The following GPBP1L1 variants were observed in gnomAD, a reference collection of about 807,000 sequenced individuals.
GPBP1L1 encodes the protein GC-rich promoter binding protein 1 like 1.
A neutral mutation model predicts 52.5 loss-of-function variants in GPBP1L1; 23 were observed. That is an observed-to-expected ratio of 0.44 (90% CI 0.32 to 0.62). The LOEUF is 0.62. GPBP1L1 is among the 20% of genes least tolerant of loss of function. The pLI is 0.06. For missense variants in GPBP1L1, 596 were observed against 579.3 expected, an observed-to-expected ratio of 1.03 and a Z score of -0.30; for synonymous variants, 243 against 203.1, an observed-to-expected ratio of 1.20 and a Z score of -1.67.
At chr1:45,671,721 G>A (rs1008586698) in intron 2 of GPBP1L1, among the ~76,000 whole-genome samples, 1 of 152,142 alleles carries the variant, frequency 6.6e-6, no homozygotes, top group African/African-American at 2.4e-5. Context: ...CTACTCAGGA[G>A]GCTGAGGTGG....
chr1:45,672,125 G>C (rs567556596), intron 2 of GPBP1L1, among the ~76,000 whole-genome samples: 21 of 152,290 alleles, frequency 1.4e-4, no homozygotes, highest in African/African-American at 4.8e-4. Context: ...CACTTTGGGA[G>C]GCCAAGGCAG....
At chr1:45,678,119 G>A (rs8179296) in intron 2 of GPBP1L1, among the ~76,000 whole-genome samples, 43,542 of 152,006 alleles carry the variant, frequency 0.29, 6,374 homozygotes, top group East Asian at 0.37. Flanking sequence ...CAGAGAGAGA[G>A]AAAGTAGATT....
chr1:45,680,602 T>G (rs981022419), intron 2 of GPBP1L1, among the ~76,000 whole-genome samples: 3 of 152,128 alleles, frequency 2.0e-5, no homozygotes, highest in Non-Finnish European at 2.9e-5. Flanking sequence ...TCTTCTTAGA[T>G]GAGCTTCACT....
rs1160989437 is a variant in GPBP1L1, at chr1:45,633,499, T to C, written c.1034A>G (p.Lys345Arg). The C allele has an allele frequency of 2.5e-6, 4 of 1,613,784 alleles. No individual in the cohort carries two copies. Among genetic ancestry groups the C allele is most frequent in the Admixed American group, 3.3e-5 (2 of 59,906 alleles). ...GGCGGATGCTCTTACATCTTCCAGC[T>C]TGTCACAGTCTCTATTCTCTGAGAA... ...GDFSENRDCD[K>R]LEDLEDNSTP... is the part of the protein sequence containing the mutation. Residue 345 changes from lysine to arginine, a missense_variant, in exon 10 of 13, where the codon AAG becomes AGG. Lys to Arg is a conservative substitution (Grantham distance 26, BLOSUM62 2). Coordinates refer to ENST00000355105, the MANE Select transcript of GPBP1L1 (RefSeq NM_021639.5).
At chr1:45,668,830 A>G (rs1355146628) in intron 2 of GPBP1L1, among the ~76,000 whole-genome samples, 1 of 142,574 alleles carries the variant, frequency 7.0e-6, no homozygotes, top group African/African-American at 2.6e-5. Flanking sequence ...AAACTTAGCC[A>G]GGCATGGTGG....
chr1:45,629,843 T>G (rs563917475), intron 11 of GPBP1L1, 165 bp from the exon 12 acceptor site: 29 of 589,196 alleles, frequency 4.9e-5, no homozygotes, highest in African/African-American at 2.2e-4. Flanking sequence ...GCTACCTGGG[T>G]GCTGTAAATA....
chr1:45,640,516 G>A (rs886096756), intron 7 of GPBP1L1, 113 bp from the exon 8 acceptor site: 2 of 811,972 alleles, frequency 2.5e-6, no homozygotes, highest in South Asian at 3.1e-5. Context: ...GAGACAGAGG[G>A]ATTAAACATT....
intron 6 of GPBP1L1, chr1:45,651,460 G>T: frequency 2.3e-6 from 1 of 428,804 alleles, no homozygotes. Context: ...CCCTTTGCTG[G>T]CAGCTTTCTT....
intron 2 of GPBP1L1, among the ~76,000 whole-genome samples, chr1:45,670,801 T>G (rs959900727): frequency 7.5e-5 from 11 of 147,418 alleles, no homozygotes; most frequent in Admixed American, 4.7e-4. Context: ...TTTTTTTTTT[T>G]TTTTTTTGTG....
intron 2 of GPBP1L1, among the ~76,000 whole-genome samples, chr1:45,674,322 A>G (rs1645113339): frequency 6.6e-6 from 1 of 152,232 alleles, no homozygotes; most frequent in Admixed American, 6.5e-5. Flanking sequence ...AATTTCATTA[A>G]AGACAGTATG....
chr1:45,657,342 G>A (rs1343342516), intron 4 of GPBP1L1, among the ~76,000 whole-genome samples: 2 of 151,966 alleles, frequency 1.3e-5, no homozygotes, highest in African/African-American at 2.4e-5. Flanking sequence ...AAGACCAGCC[G>A]GGTAACATGG....
At chr1:45,649,956 C>T (rs1327275707) in intron 6 of GPBP1L1, among the ~76,000 whole-genome samples, 1 of 152,134 alleles carries the variant, frequency 6.6e-6, no homozygotes, top group Non-Finnish European at 1.5e-5. Context: ...CACCTGCAAA[C>T]ACAAAGTTTT....
intron 2 of GPBP1L1, among the ~76,000 whole-genome samples, chr1:45,669,121 T>C (rs1645044416): frequency 6.6e-6 from 1 of 152,232 alleles, no homozygotes; most frequent in Non-Finnish European, 1.5e-5. Flanking sequence ...TTAAAAAGCA[T>C]TGTCCTCTCT....
intron 2 of GPBP1L1, among the ~76,000 whole-genome samples, chr1:45,684,679 C>A (rs187737978): frequency 1.3e-5 from 2 of 151,698 alleles, no homozygotes; most frequent in South Asian, 4.2e-4. Context: ...CACTGAGTAC[C>A]CCCCCAAAAA....
chr1:45,652,740 T>TA (rs1424740256), intron 6 of GPBP1L1, among the ~76,000 whole-genome samples: 5 of 151,798 alleles, frequency 3.3e-5, no homozygotes, highest in Non-Finnish European at 7.4e-5. Context: ...TTTTAAGAGA[T>TA]AGAGTCTTGC....
chr1:45,653,662 C>T (rs957726951), intron 6 of GPBP1L1, among the ~76,000 whole-genome samples: 3 of 151,498 alleles, frequency 2.0e-5, no homozygotes, highest in African/African-American at 7.3e-5. Context: ...GCCTGGCCAA[C>T]TTAAAGATAC....
rs79622163 is a variant in GPBP1L1 at position 45,678,049 on chromosome 1, G to T, written c.-1098+7527C>A. On this transcript the variant is annotated intron_variant, in intron 2 of 12. Coordinates refer to ENST00000355105, the MANE Select transcript of GPBP1L1 (RefSeq NM_021639.5). Reference sequence around the variant, plus strand: ...CCTTCATCCATTATGCTACATGAAAGAAGCCAGACACAAAAGACCACATGG... The same window carrying T: ...CCTTCATCCATTATGCTACATGAAATAAGCCAGACACAAAAGACCACATGG... Among the ~76,000 whole-genome samples the T allele has an allele frequency of 3.0e-3, 461 of 152,220 alleles. 4 individuals are homozygous for T. The highest frequency in any genetic ancestry group is 0.023 in the East Asian group (117 of 5,184).
intron 2 of GPBP1L1, among the ~76,000 whole-genome samples, chr1:45,665,938 C>T (rs544780288): frequency 2.2e-4 from 33 of 152,112 alleles, no homozygotes; most frequent in African/African-American, 7.5e-4. Context: ...TGTTCCTAGA[C>T]TTAGGTTGTA....
intron 6 of GPBP1L1, among the ~76,000 whole-genome samples, chr1:45,646,933 T>C (rs1644754916): frequency 6.6e-6 from 1 of 152,126 alleles, no homozygotes; most frequent in Admixed American, 6.6e-5. Flanking sequence ...ATTATATATC[T>C]ATATTAGATC....
Sources: allele counts gnomAD v4.1 joint callset (sites outside exome capture counted in the v4.1 genomes callset), GRCh38; gene constraint gnomAD v4.1.1; transcripts MANE v1.5; gene names NCBI Gene and HGNC (gene_info 2026-07-23, HGNC 2026-07-21).